PARD3: variants seen among roughly 807,000 people sequenced by gnomAD.
PARD3 encodes the protein partitioning defective 3 homolog.
Under a neutral mutation model 155.4 loss-of-function variants are expected in PARD3, and 75 were observed. The ratio of observed to expected loss-of-function variants is 0.48; its 90% CI spans 0.40 to 0.58. The LOEUF (loss-of-function observed/expected upper bound fraction) is 0.58, where lower values mean the gene tolerates loss of function less well. Among genes scored for constraint, PARD3 ranks in the 20% least tolerant of loss-of-function variants. The pLI, the probability that PARD3 is intolerant of heterozygous loss-of-function variation, is 0.00. For synonymous variants in PARD3, 576 were observed against 610.5 expected (o/e 0.94, Z 0.83); for missense variants, 1,642 against 1,721.7 (o/e 0.95, Z 0.82).
At chr10:34,596,224 T>C (rs374411291) in intron 2 of PARD3, among the ~76,000 whole-genome samples, 1 of 144,938 alleles carries the variant, frequency 6.9e-6, no homozygotes, top group East Asian at 2.1e-4. Flanking sequence ...ATCCATCAAA[T>C]CCAAATTTTT....
chr10:34,360,231 G>A lies in PARD3; in HGVS notation c.1736C>T (p.Thr579Ile), dbSNP rs141801341. 17 of 1,613,412 alleles carry A rather than the reference G, an allele frequency of 1.1e-5. No individual in the cohort carries two copies. Among genetic ancestry groups the A allele is most frequent in the Admixed American group, 1.0e-4 (6 of 60,026 alleles). The change falls in exon 13 of 25, where the codon ACA (threonine) becomes ATA (isoleucine). Residue 579 changes from threonine (T) to isoleucine (I), a missense_variant. Transcript: ENST00000374788. The stretch of plus-strand genomic sequence containing the variant: ...CAGAAATTCCCTGGTGCCATCAGGT[G>A]TAAGAACAATATCCTCATCTTCTGC... ...TKAEDEDIVL[T>I]PDGTREFLTF...
At chr10:34,171,557 G>A (rs1315260153) in intron 22 of PARD3, among the ~76,000 whole-genome samples, 2 of 152,078 alleles carry the variant, frequency 1.3e-5, no homozygotes, top group African/African-American at 2.4e-5. Flanking sequence ...CTGTTTCAAC[G>A]CATGAGACTA....
At position 34,793,215 on chromosome 10, in the gene PARD3, G is replaced by A. The variant is rs4593959; in HGVS notation, c.120+21661C>T. Reference sequence around the variant, plus strand: ...CAGCAGTGCAGATGAAAAAATGGGAGAGCCAAGAGGAGAGGGAAAAGGAGG... The same window carrying A: ...CAGCAGTGCAGATGAAAAAATGGGAAAGCCAAGAGGAGAGGGAAAAGGAGG... On this transcript the variant is annotated intron_variant, in intron 1 of 24. Coordinates refer to ENST00000374788, the MANE Select transcript of PARD3 (RefSeq NM_001184785.2). 7.6e-3 allele frequency among the ~76,000 whole-genome samples: 1,158 copies of A among 152,304 alleles called. 14 individuals carry two copies. Among genetic ancestry groups the A allele is most frequent in the African/African-American group, 0.026 (1,078 of 41,562 alleles).
At chr10:34,327,245 T>C (rs1335759222) in intron 19 of PARD3, among the ~76,000 whole-genome samples, 1 of 152,080 alleles carries the variant, frequency 6.6e-6, no homozygotes, top group Admixed American at 6.6e-5. Flanking sequence ...TCGGAGATAA[T>C]GGGTCCCAGA....
At chr10:34,356,321 G>A (rs1056445267) in intron 14 of PARD3, among the ~76,000 whole-genome samples, 11 of 152,286 alleles carry the variant, frequency 7.2e-5, no homozygotes, top group African/African-American at 2.4e-4. Context: ...GCAAGCTGAG[G>A]CCAGGAGTTG....
intron 3 of PARD3, among the ~76,000 whole-genome samples, chr10:34,476,249 A>T (rs2133141619): frequency 6.6e-6 from 1 of 152,340 alleles, no homozygotes; most frequent in East Asian, 1.9e-4. Flanking sequence ...GATTTTAAGT[A>T]ATTAATTTTG....
At chr10:34,470,027 C>A in intron 4 of PARD3, 58 bp downstream of exon 4, 1 of 1,391,498 alleles carries the variant, frequency 7.2e-7, no homozygotes, top group Non-Finnish European at 9.7e-7. Flanking sequence ...ACACTCATCA[C>A]GGACACCAAG....
Position 34,602,140 on chromosome 10 carries a change from T to C in PARD3, c.223-84981A>G, listed in dbSNP as rs560902116. On this transcript the variant is annotated intron_variant, in intron 2 of 24. Transcript: ENST00000374788. ...AACACGAATATATGGCAGAGATAAA[T>C]TCTGAGAAAGTCGCTGATAAATTTG... Among the ~76,000 whole-genome samples, 19 of 152,288 alleles carry C rather than the reference T, an allele frequency of 1.2e-4. No homozygotes were observed. In the East Asian group the frequency reaches 3.7e-3, roughly 29 times the overall value.
At chr10:34,408,778 G>C (rs1230349685) in intron 5 of PARD3, among the ~76,000 whole-genome samples, 1 of 150,676 alleles carries the variant, frequency 6.6e-6, no homozygotes, top group Non-Finnish European at 1.5e-5. Flanking sequence ...TATTCTGCCA[G>C]AATAAAAACA....
intron 2 of PARD3, among the ~76,000 whole-genome samples, chr10:34,659,387 CA>C (rs2093265183): frequency 6.6e-6 from 1 of 152,132 alleles, no homozygotes; most frequent in African/African-American, 2.4e-5. Context: ...TCCTATGTAT[CA>C]CTCACTCAGC....
chr10:34,509,144 C>G (rs989803807), intron 3 of PARD3, among the ~76,000 whole-genome samples: 7 of 151,978 alleles, frequency 4.6e-5, no homozygotes, highest in African/African-American at 1.7e-4. Context: ...ATAATATACA[C>G]TCAAACTTAT....
intron 5 of PARD3, among the ~76,000 whole-genome samples, chr10:34,407,166 A>C (rs983205378): frequency 1.3e-5 from 2 of 152,202 alleles, no homozygotes; most frequent in African/African-American, 4.8e-5. Context: ...TAAGTCTTTT[A>C]GCATTATGTC....
rs1208263656 is a variant in PARD3 at position 34,110,702 on chromosome 10, C to T, written c.*467G>A. 6.5e-6 allele frequency: 1 copy of T among 153,012 alleles called. No individual in the cohort carries two copies. The highest frequency in any genetic ancestry group is 6.5e-5 in the Admixed American group (1 of 15,366). 9.5% of individuals were successfully genotyped at this position (153,012 alleles called of 1,614,324 possible). A position where few individuals can be genotyped will look rare whatever the true frequency, so the allele number is the denominator to read the frequency against. On this transcript the variant is annotated 3_prime_UTR_variant, in exon 25 of 25. Transcript: ENST00000374788. ...CGACAAATGGCTGTGCTGTGAAGTA[C>T]CAGAAAGCCCCAATTTTTGGTGTAT...
intron 22 of PARD3, among the ~76,000 whole-genome samples, chr10:34,206,154 G>C (rs1161522622): frequency 6.9e-6 from 1 of 144,066 alleles, no homozygotes; most frequent in Admixed American, 6.9e-5. Flanking sequence ...GAGAGGCACA[G>C]TGGGAGGTCC....
At chr10:34,608,073 A>T (rs952297782) in intron 2 of PARD3, among the ~76,000 whole-genome samples, 1 of 151,948 alleles carries the variant, frequency 6.6e-6, no homozygotes, top group African/African-American at 2.4e-5. Flanking sequence ...TTAGGGGCTC[A>T]CTCCTCTTGC....
intron 22 of PARD3, among the ~76,000 whole-genome samples, chr10:34,179,334 C>T (rs1950172962): frequency 6.6e-6 from 1 of 152,188 alleles, no homozygotes; most frequent in African/African-American, 2.4e-5. Flanking sequence ...AATGCTGCTC[C>T]TTCTCCAAAT....
chr10:34,742,684 CTTT>C (rs1337863628), intron 1 of PARD3, among the ~76,000 whole-genome samples: 1 of 152,190 alleles, frequency 6.6e-6, no homozygotes, highest in Non-Finnish European at 1.5e-5. Context: ...TGCGTGGAGG[CTTT>C]TTAATACCAG....
At chr10:34,423,373 A>G (rs1042102644) in intron 5 of PARD3, among the ~76,000 whole-genome samples, 1 of 152,126 alleles carries the variant, frequency 6.6e-6, no homozygotes, top group Non-Finnish European at 1.5e-5. Context: ...ATTAGGAGGA[A>G]AAAGTTCAAG....
intron 5 of PARD3, among the ~76,000 whole-genome samples, chr10:34,429,969 A>G (rs2075821229): frequency 6.6e-6 from 1 of 152,202 alleles, no homozygotes; most frequent in Non-Finnish European, 1.5e-5. Context: ...GGCCCAAGCA[A>G]TCCTCCTGAT....
Sources: gnomAD v4.1 joint callset for allele counts (sites outside exome capture counted in the v4.1 genomes callset) on GRCh38, gnomAD v4.1.1 for gene constraint, MANE v1.5 for transcripts, NCBI Gene and HGNC (gene_info 2026-07-23, HGNC 2026-07-21) for gene names.